The following CASZ1 variants were observed in gnomAD, a reference collection of about 807,000 sequenced individuals.
The protein encoded by CASZ1 is castor zinc finger 1, also known as zinc finger protein castor homolog 1.
A neutral mutation model predicts 135.2 loss-of-function variants in CASZ1; 28 were observed. The observed-to-expected ratio is 0.21, with a 90% CI of 0.15 to 0.28. CASZ1 has a LOEUF of 0.28. Among genes scored for constraint, CASZ1 ranks in the 10% least tolerant of loss-of-function variants. CASZ1 has a pLI of 1.00. For synonymous variants in CASZ1, 1,068 were observed against 1,073.4 expected (o/e 0.99, Z 0.10); for missense variants, 2,161 against 2,453.3 (o/e 0.88, Z 2.52).
chr1:10,791,403 C>G (rs1392390830), intron 1 of CASZ1, among the ~76,000 whole-genome samples: 1 of 152,224 alleles, frequency 6.6e-6, no homozygotes, highest in Non-Finnish European at 1.5e-5. Flanking sequence ...TAATTCTTTC[C>G]TGTAAACAAT....
intron 1 of CASZ1, among the ~76,000 whole-genome samples, chr1:10,773,950 C>A (rs1640617740): frequency 6.6e-6 from 1 of 152,326 alleles, no homozygotes; most frequent in Non-Finnish European, 1.5e-5. Context: ...GAGTTCAGAG[C>A]AGACGAGTAG....
chr1:10,708,906 C>T (rs1377918675), intron 2 of CASZ1, among the ~76,000 whole-genome samples: 1 of 145,794 alleles, frequency 6.9e-6, no homozygotes, highest in African/African-American at 2.6e-5. Context: ...ACCAGAGGCT[C>T]CTCCGGCACA....
Position 10,685,082 on chromosome 1 carries a change from T to C in CASZ1, c.16+8792A>G, listed in dbSNP as rs902682989. Among the ~76,000 whole-genome samples, 16 of 152,380 alleles carry C rather than the reference T, an allele frequency of 1.1e-4. No individual in the cohort carries two copies. In the East Asian group the frequency reaches 3.1e-3, roughly 29 times the overall value. On this transcript the variant is annotated intron_variant, in intron 4 of 20. Coordinates refer to ENST00000377022, the MANE Select transcript of CASZ1 (RefSeq NM_001079843.3). Reference sequence around the variant, plus strand: ...CCCCCTGGTATAATCCTTTCATTAATTTACTATTACATTGGAAATTACTCC... The same window carrying C: ...CCCCCTGGTATAATCCTTTCATTAACTTACTATTACATTGGAAATTACTCC...
At chr1:10,786,453 G>A (rs547031038) in intron 1 of CASZ1, among the ~76,000 whole-genome samples, 1 of 152,098 alleles carries the variant, frequency 6.6e-6, no homozygotes, top group South Asian at 2.1e-4. Context: ...TAGGGGCCCA[G>A]CTCCAGACAG....
chr1:10,787,548 C>T (rs1640880924), intron 1 of CASZ1, among the ~76,000 whole-genome samples: 1 of 152,190 alleles, frequency 6.6e-6, no homozygotes, highest in Non-Finnish European at 1.5e-5. Flanking sequence ...GCTGGCACAG[C>T]CCTCATAGGT....
chr1:10,791,292 A>G (rs1640951724), intron 1 of CASZ1, among the ~76,000 whole-genome samples: 1 of 152,258 alleles, frequency 6.6e-6, no homozygotes, highest in Admixed American at 6.5e-5. Flanking sequence ...GGTCGGAGAA[A>G]GCGGAAGCTG....
intron 12 of CASZ1, 61 bp downstream of exon 12, chr1:10,650,880 C>CG: frequency 6.2e-7 from 1 of 1,605,274 alleles, no homozygotes; most frequent in Non-Finnish European, 8.5e-7. Context: ...GGGACCACCC[C>CG]GGGGCTCCAG....
intron 1 of CASZ1, among the ~76,000 whole-genome samples, chr1:10,761,867 G>C (rs1028736725): frequency 5.3e-5 from 8 of 152,178 alleles, no homozygotes; most frequent in African/African-American, 1.9e-4. Context: ...CCGCTCTCCT[G>C]CCCACCCTGC....
intron 4 of CASZ1, among the ~76,000 whole-genome samples, chr1:10,673,203 A>C (rs1400728232): frequency 6.6e-6 from 1 of 152,084 alleles, no homozygotes; most frequent in Non-Finnish European, 1.5e-5. Flanking sequence ...AATTTATGCA[A>C]TTTTAAGCAT....
chr1:10,729,712 G>A (rs964166361), intron 2 of CASZ1, among the ~76,000 whole-genome samples: 1 of 152,264 alleles, frequency 6.6e-6, no homozygotes, highest in African/African-American at 2.4e-5. Context: ...GCGGGTGAGC[G>A]GAACTGCCGG....
chr1:10,660,593 T>A, intron 5 of CASZ1, 57 bp from the exon 6 acceptor site: 1 of 1,489,038 alleles, frequency 6.7e-7, no homozygotes. Context: ...GGACAGGAGG[T>A]CCCCCCACTG....
At chr1:10,773,854 T>A (rs943060741) in intron 1 of CASZ1, among the ~76,000 whole-genome samples, 1 of 152,198 alleles carries the variant, frequency 6.6e-6, no homozygotes, top group Non-Finnish European at 1.5e-5. Context: ...GGGCTGGGGC[T>A]GATATGCGCT....
chr1:10,748,169 G>T (rs1316021397), intron 2 of CASZ1, among the ~76,000 whole-genome samples: 1 of 152,174 alleles, frequency 6.6e-6, no homozygotes, highest in Non-Finnish European at 1.5e-5. Flanking sequence ...TCTAAGCCTG[G>T]CAGAGGAGAA....
intron 1 of CASZ1, among the ~76,000 whole-genome samples, chr1:10,769,314 C>A (rs1322118972): frequency 6.6e-6 from 1 of 152,142 alleles, no homozygotes; most frequent in Non-Finnish European, 1.5e-5. Context: ...TGGCCACATG[C>A]GGCTACTGAG....
rs1478458681 is a variant in CASZ1, at chr1:10,721,901, G to A, written c.-76-16357C>T. ...GAAGAGGGGCCAGGGCAGCCTCTTC[G>A]GGTCCGCCCAGCTGCCACTCCCACC... is the stretch of plus-strand genomic sequence containing the variant. On this transcript the variant is annotated intron_variant, in intron 2 of 20. Transcript: ENST00000377022. This position sits in a 1 kb window ranked among gnomAD's most constrained non-coding sequence, Gnocchi z 5.4. Among the ~76,000 whole-genome samples the A allele has an allele frequency of 6.6e-6, 1 of 152,200 alleles. No homozygotes were observed.
chr1:10,748,529 C>A (rs572833832), intron 2 of CASZ1, among the ~76,000 whole-genome samples: 7 of 152,302 alleles, frequency 4.6e-5, no homozygotes, highest in African/African-American at 1.7e-4. Context: ...GCTAAGCTTG[C>A]AGAGTGACGG....
In CASZ1 at chr1:10,653,541, A is replaced by C. The variant is rs762908994; in HGVS notation, c.2516T>G (p.Leu839Arg). 3 of 1,596,322 alleles carry C rather than the reference A, an allele frequency of 1.9e-6. No homozygotes were observed. Among genetic ancestry groups the C allele is most frequent in the Non-Finnish European group, 2.6e-6 (3 of 1,169,620 alleles). The change falls in exon 11 of 21, where the codon CTG (leucine) becomes CGG (arginine). Residue 839 changes from leucine to arginine, a missense_variant. By Grantham distance (102) the Leu-to-Arg change is moderately radical. This residue lies in a region of CASZ1 where 406 missense variants were observed against 387.6 expected (regional missense o/e 1.05). Transcript: ENST00000377022. ...AASATPDTPT[L>R]VASGAGDSAP... Reference sequence around the variant, plus strand: ...TGAGTCTCCAGCTCCCGAGGCGACCAGCGTGGGTGTGTCAGGGGTGGCTGA... The same window carrying C: ...TGAGTCTCCAGCTCCCGAGGCGACCCGCGTGGGTGTGTCAGGGGTGGCTGA...
At position 10,639,111 on chromosome 1, in the gene CASZ1, TC is replaced by T; in HGVS notation, c.5110del (p.Glu1704ArgfsTer139). On this transcript the variant is annotated frameshift_variant, in exon 21 of 21. Transcript: ENST00000377022. LOFTEE classifies it high-confidence loss of function. This position sits in a 1 kb window ranked among gnomAD's most constrained non-coding sequence, Gnocchi z 4.0. ...GTCGTCGTCGTCCTCGTCGTCGTCC[TC>T]GTCGTCGTCGTCCTCGTCGTCGTCC... is the stretch of plus-strand genomic sequence containing the variant. ...DEDDDEDDDD[E>X]DDDEDDDDED... 8.7e-7 allele frequency: 1 copy of T among 1,143,906 alleles called. No individual in the cohort carries two copies. 70.9% of individuals were successfully genotyped at this position (1,143,906 alleles called of 1,614,324 possible).
At chr1:10,723,372 G>C (rs868453188) in intron 2 of CASZ1, among the ~76,000 whole-genome samples, 1 of 152,270 alleles carries the variant, frequency 6.6e-6, no homozygotes, top group South Asian at 2.1e-4. Flanking sequence ...TGGGGTGTGG[G>C]GGCTCTCACT....
Sources: allele counts gnomAD v4.1 joint callset (sites outside exome capture counted in the v4.1 genomes callset), GRCh38; gene constraint gnomAD v4.1.1; regional missense constraint gnomAD v4.1.1; non-coding constraint Gnocchi (gnomAD v3.1); transcripts MANE v1.5; gene names NCBI Gene and HGNC (gene_info 2026-07-23, HGNC 2026-07-21).